EPAS1: variants seen among roughly 807,000 people sequenced by gnomAD.
The protein encoded by EPAS1 is endothelial PAS domain protein 1, also known as endothelial PAS domain-containing protein 1.
Under a neutral mutation model 87.9 loss-of-function variants are expected in EPAS1, and 23 were observed. The ratio of observed to expected loss-of-function variants is 0.26; its 90% confidence interval spans 0.19 to 0.37. The LOEUF is 0.37. Among genes scored for constraint, EPAS1 ranks in the 10% least tolerant of loss-of-function variants. The pLI, the probability that EPAS1 is intolerant of heterozygous loss-of-function variation, is 1.00. For synonymous variants in EPAS1, 508 were observed against 444.3 expected (o/e 1.14, Z -1.80); for missense variants, 1,138 against 1,120.7 (o/e 1.02, Z -0.22).
In EPAS1 at chr2:46,384,776, C is replaced by T; in HGVS notation, c.*116C>T. On this transcript the variant is annotated 3_prime_UTR_variant, in exon 16 of 16. Transcript: ENST00000263734. ...GCCAGCACACTATTTACAAGATGGA[C>T]TTACCTGGCAGACTTGCCCAGGTCA... is the stretch of plus-strand genomic sequence containing the variant. 7.1e-7 allele frequency: 1 copy of T among 1,398,932 alleles called. No homozygotes were observed. The highest frequency in any genetic ancestry group is 9.8e-7 in the Non-Finnish European group (1 of 1,024,470). 86.7% of individuals were successfully genotyped at this position (1,398,932 alleles called of 1,614,324 possible).
At chr2:46,306,220 A>G (rs1403298430) in intron 1 of EPAS1, among the ~76,000 whole-genome samples, 2 of 152,362 alleles carry the variant, frequency 1.3e-5, no homozygotes, top group African/African-American at 4.8e-5. Flanking sequence ...GTATTAAAAA[A>G]ATACACACAT....
chr2:46,373,630 G>C (rs1257327204), intron 7 of EPAS1, among the ~76,000 whole-genome samples: 1 of 152,180 alleles, frequency 6.6e-6, no homozygotes, highest in African/African-American at 2.4e-5. Flanking sequence ...ACCAGGGTGG[G>C]AATGAAGATT....
rs959029370 is a variant in EPAS1, at chr2:46,376,037, AT to A, written c.1034+209del. Among the ~76,000 whole-genome samples the A allele has an allele frequency of 4.6e-5, 7 of 151,488 alleles. No individual in the cohort carries two copies. The East Asian group carries it at 5.8e-4, about 13-fold the overall frequency. Reference sequence around the variant, plus strand: ...TGGAACAGTGGGATACTGGGTTGGGATTTTTTTTTCTGCGCTTTCCCTGGCA... The same window carrying A: ...TGGAACAGTGGGATACTGGGTTGGGATTTTTTTTCTGCGCTTTCCCTGGCA... On this transcript the variant is annotated intron_variant, in intron 8 of 15. Coordinates refer to ENST00000263734, the MANE Select transcript of EPAS1 (RefSeq NM_001430.5).
chr2:46,378,649 G>T lies in EPAS1; in HGVS notation c.1444-8G>T, dbSNP rs542905925. On this transcript the variant is annotated splice_polypyrimidine_tract_variant and splice_region_variant and intron_variant, in intron 10 of 15. Coordinates refer to ENST00000263734, the MANE Select transcript of EPAS1 (RefSeq NM_001430.5). ...TTTGACTCTGTCCCCCTCCTTCCTGGCCCCTAGCCCAATAGCCCTGAAGAC... is the reference window on the plus strand; with the variant it reads ...TTTGACTCTGTCCCCCTCCTTCCTGTCCCCTAGCCCAATAGCCCTGAAGAC... 7.0e-5 allele frequency: 113 copies of T among 1,612,380 alleles called. No homozygotes were observed. Among genetic ancestry groups the T allele is most frequent in the Middle Eastern group, 1.6e-4 (1 of 6,062 alleles).
chr2:46,347,154 A>G lies in EPAS1; in HGVS notation c.217+91A>G. ...GGGACCCTTCTGCTGCCAGAGCTGG[A>G]AAGTCACCCCACTACAGAACTTTCA... On this transcript the variant is annotated intron_variant, in intron 2 of 15. Coordinates refer to ENST00000263734, the MANE Select transcript of EPAS1 (RefSeq NM_001430.5). The surrounding 1 kb of genome is among the most constrained non-coding windows in gnomAD (Gnocchi z 4.2). 1 of 1,459,736 alleles carries G rather than the reference A, an allele frequency of 6.9e-7. No homozygotes were observed. The highest frequency in any genetic ancestry group is 1.1e-5 in the South Asian group (1 of 87,644). The allele number at this position is 1,459,736 out of a possible 1,614,324, so 90.4% of individuals were successfully genotyped here.
intron 1 of EPAS1, among the ~76,000 whole-genome samples, chr2:46,336,267 A>G (rs531775922): frequency 6.6e-6 from 1 of 152,184 alleles, no homozygotes. Flanking sequence ...AGGATACACG[A>G]AAGTGGAAGA....
In EPAS1 at chr2:46,347,445, G is replaced by C. The variant is rs1418847838; in HGVS notation, c.217+382G>C. On this transcript the variant is annotated intron_variant, in intron 2 of 15. Coordinates refer to ENST00000263734, the MANE Select transcript of EPAS1 (RefSeq NM_001430.5). The surrounding 1 kb of genome is among the most constrained non-coding windows in gnomAD (Gnocchi z 4.2). ...GAAGCATTCTAATCCTTAACTTCCA[G>C]TGCCTTCTCCAGAACAGCAAGAAGG... is the stretch of plus-strand genomic sequence containing the variant. 1.9e-5 allele frequency: 6 copies of C among 322,126 alleles called. No homozygotes were observed. Among genetic ancestry groups the C allele is most frequent in the Non-Finnish European group, 3.6e-5 (6 of 166,188 alleles). The allele number at this position is 322,126 out of a possible 1,614,324, so 20.0% of individuals were successfully genotyped here.
rs371022645 is a variant in EPAS1, at chr2:46,377,915, C to A, written c.1271C>A (p.Ser424Tyr). 16 of 1,553,410 alleles carry A rather than the reference C, an allele frequency of 1.0e-5. No homozygotes were observed. Among genetic ancestry groups the A allele is most frequent in the Non-Finnish European group, 1.3e-5 (15 of 1,147,870 alleles). ...ACAGGGAATCAGAACTTCGAGGAGT[C>A]CTCAGCCTATGGCAAGGCCATCCTG... is the stretch of plus-strand genomic sequence containing the variant. The part of the protein sequence containing the change: ...LDFGNQNFEE[S>Y]SAYGKAILPP... The change falls in exon 10 of 16, where the codon TCC (serine) becomes TAC (tyrosine). Residue 424 changes from serine to tyrosine, a missense_variant. Physicochemically the swap from Ser to Tyr is moderately radical, Grantham distance 144 (BLOSUM62 -2). This residue lies in a region of EPAS1 where 284 missense variants were observed against 258.4 expected (regional missense o/e 1.10). Coordinates refer to ENST00000263734, the MANE Select transcript of EPAS1 (RefSeq NM_001430.5).
At chr2:46,376,960 C>G (rs542245250) in intron 9 of EPAS1, among the ~76,000 whole-genome samples, 1 of 152,284 alleles carries the variant, frequency 6.6e-6, no homozygotes, top group Admixed American at 6.5e-5. Context: ...CATCCCATAT[C>G]CGACCTCACC....
rs1572653177 is a variant in EPAS1 at position 46,386,356 on chromosome 2, A to G, written c.*1696A>G. The G allele has an allele frequency of 6.5e-6, 1 of 152,790 alleles. No individual in the cohort carries two copies. The highest frequency in any genetic ancestry group is 1.9e-4 in the East Asian group (1 of 5,190). The allele number at this position is 152,790 out of a possible 1,614,324, so 9.5% of individuals were successfully genotyped here. ...AGCTTTCAAAAGAAATTTAAGTTCT[A>G]TGAGAAATTCCTTAGTCATGGTGTT... On this transcript the variant is annotated 3_prime_UTR_variant, in exon 16 of 16. Coordinates refer to ENST00000263734, the MANE Select transcript of EPAS1 (RefSeq NM_001430.5).
At chr2:46,325,796 A>G (rs1474843698) in intron 1 of EPAS1, among the ~76,000 whole-genome samples, 1 of 152,172 alleles carries the variant, frequency 6.6e-6, no homozygotes, top group Non-Finnish European at 1.5e-5. Context: ...TATTACCATG[A>G]TGATCATTAG....
intron 1 of EPAS1, among the ~76,000 whole-genome samples, chr2:46,331,897 C>A (rs761350125): frequency 2.0e-5 from 3 of 151,986 alleles, no homozygotes; most frequent in Non-Finnish European, 4.4e-5. Context: ...TTTTTTTTCC[C>A]CGGGCTTAAA....
intron 15 of EPAS1, among the ~76,000 whole-genome samples, chr2:46,383,579 T>G (rs1008223462): frequency 4.6e-5 from 7 of 152,198 alleles, no homozygotes; most frequent in Non-Finnish European, 8.8e-5. Flanking sequence ...GCTCTGCTGT[T>G]GAGTTCAGGG....
intron 6 of EPAS1, among the ~76,000 whole-genome samples, chr2:46,364,001 T>G (rs1370653079): frequency 6.6e-6 from 1 of 152,260 alleles, no homozygotes; most frequent in Non-Finnish European, 1.5e-5. Flanking sequence ...ATATCTTAAT[T>G]GCTTTGATGA....
In EPAS1 at chr2:46,347,758, C is replaced by A. The variant is rs183008543; in HGVS notation, c.217+695C>A. 2.0e-5 allele frequency among the ~76,000 whole-genome samples: 3 copies of A among 152,334 alleles called. No individual in the cohort carries two copies. The East Asian group carries it at 5.8e-4, about 29-fold the overall frequency. The stretch of plus-strand genomic sequence containing the variant: ...CAAGACATTTGCTTTTTCTCAGTTA[C>A]ATTCTTCAAGAAACCATTTCCTATG... On this transcript the variant is annotated intron_variant, in intron 2 of 15. Coordinates refer to ENST00000263734, the MANE Select transcript of EPAS1 (RefSeq NM_001430.5). The surrounding 1 kb of genome is among the most constrained non-coding windows in gnomAD (Gnocchi z 4.2).
chr2:46,343,510 T>G (rs945462249), intron 1 of EPAS1, among the ~76,000 whole-genome samples: 2 of 152,220 alleles, frequency 1.3e-5, no homozygotes, highest in Non-Finnish European at 1.5e-5. Context: ...TAGCAAATTA[T>G]TTAATCTCTC....
intron 4 of EPAS1, among the ~76,000 whole-genome samples, chr2:46,358,928 G>A (rs1455737402): frequency 6.6e-6 from 1 of 152,174 alleles, no homozygotes; most frequent in Non-Finnish European, 1.5e-5. Flanking sequence ...GAAGGTTTCT[G>A]TGCAGGGGTG....
intron 1 of EPAS1, among the ~76,000 whole-genome samples, chr2:46,298,646 G>T (rs1682934898): frequency 6.6e-6 from 1 of 152,262 alleles, no homozygotes. Context: ...GTCCCTGGCA[G>T]GTCCGGGTGT....
intron 1 of EPAS1, among the ~76,000 whole-genome samples, chr2:46,331,439 A>C (rs562024391): frequency 3.3e-5 from 5 of 152,372 alleles, no homozygotes; most frequent in Middle Eastern, 6.8e-3. Flanking sequence ...GTACTTTTTC[A>C]TTAAAACAAA....
Sources: gnomAD v4.1 joint callset for allele counts (sites outside exome capture counted in the v4.1 genomes callset) on GRCh38, gnomAD v4.1.1 for gene constraint, gnomAD v4.1.1 regional missense constraint, Gnocchi (gnomAD v3.1) non-coding constraint, MANE v1.5 for transcripts, NCBI Gene and HGNC (gene_info 2026-07-23, HGNC 2026-07-21) for gene names.